SPTAN1: variants seen among roughly 807,000 people sequenced by gnomAD.
SPTAN1 encodes spectrin alpha chain, non-erythrocytic 1.
Under a neutral mutation model 331.3 loss-of-function variants are expected in SPTAN1, and 61 were observed. The observed-to-expected ratio is 0.18, with a 90% CI of 0.15 to 0.23. The LOEUF (loss-of-function observed/expected upper bound fraction) is 0.23. Ranked by LOEUF, SPTAN1 falls within the 10% of genes least tolerant of loss-of-function variation. SPTAN1 has a pLI of 1.00. For synonymous variants in SPTAN1, 1,153 were observed against 1,173.9 expected (o/e 0.98, Z 0.36); for missense variants, 2,043 against 3,147.9 (o/e 0.65, Z 8.40).
In SPTAN1 at chr9:128,597,646, GTTTTGT is replaced by G. The variant is rs1452725089; in HGVS notation, c.3415-744_3415-739del. ...CCTTATAGCTTTTTTTGTTTGTTTT[GTTTTGT>G]TTTTGTTTTGTTTTGAGACAGAGTC... is the stretch of plus-strand genomic sequence containing the variant. On this transcript the variant is annotated intron_variant, in intron 24 of 56. Coordinates refer to ENST00000372739, the MANE Select transcript of SPTAN1 (RefSeq NM_001130438.3). Among the ~76,000 whole-genome samples, 5 of 152,078 alleles carry G rather than the reference GTTTTGT, an allele frequency of 3.3e-5. No homozygotes were observed. In the South Asian group the frequency reaches 6.2e-4, roughly 19 times the overall value.
chr9:128,611,583 T>C (rs1485981042), intron 37 of SPTAN1, 131 bp from the exon 38 acceptor site: 1 of 1,019,292 alleles, frequency 9.8e-7, no homozygotes, highest in Non-Finnish European at 1.5e-6. Flanking sequence ...AATTGCCTTC[T>C]GTTAAAAACG....
Position 128,625,703 on chromosome 9 carries a change from A to C in SPTAN1, c.6070-66A>C. 1 of 1,506,696 alleles carries C rather than the reference A, an allele frequency of 6.6e-7. No homozygotes were observed. Among genetic ancestry groups the C allele is most frequent in the South Asian group, 1.1e-5 (1 of 88,552 alleles). The allele number at this position is 1,506,696 out of a possible 1,614,324, so 93.3% of individuals were successfully genotyped here. ...CTGGGGGACATGCTGGTGCCATCTGAGCCTAGGAAGAGCAAGTTCCAGTCC... is the reference window on the plus strand; with the variant it reads ...CTGGGGGACATGCTGGTGCCATCTGCGCCTAGGAAGAGCAAGTTCCAGTCC... On this transcript the variant is annotated intron_variant, in intron 47 of 56. Coordinates refer to ENST00000372739, the MANE Select transcript of SPTAN1 (RefSeq NM_001130438.3). The surrounding 1 kb of genome is among the most constrained non-coding windows in gnomAD (Gnocchi z 4.1).
Position 128,625,969 on chromosome 9 carries a change from C to T in SPTAN1, c.6270C>T (p.His2090=), listed in dbSNP as rs370102482. 3.0e-5 allele frequency: 49 copies of T among 1,613,992 alleles called. No individual in the cohort carries two copies. The highest frequency in any genetic ancestry group is 3.6e-5 in the Non-Finnish European group (43 of 1,179,986). Residue 2090 remains histidine (H), a synonymous_variant, in exon 48 of 57, where the codon CAC becomes CAT. Coordinates refer to ENST00000372739, the MANE Select transcript of SPTAN1 (RefSeq NM_001130438.3). The surrounding 1 kb of genome is among the most constrained non-coding windows in gnomAD (Gnocchi z 4.1). ...RKKKLLEAQS[H]FRKVEDLFLT... ...AGAAGCTTCTGGAGGCTCAGAGTCA[C>T]TTCCGCAAGGTGAGGATGGGGCCAC...
chr9:128,612,957 G>T (rs181093445), intron 39 of SPTAN1, among the ~76,000 whole-genome samples: 1 of 151,690 alleles, frequency 6.6e-6, no homozygotes, highest in African/African-American at 2.4e-5. Context: ...TAATAATTGC[G>T]TAAGTTTATC....
At chr9:128,600,972 G>GTTTTTTTTTTTTTT (rs1474161366) in intron 27 of SPTAN1, among the ~76,000 whole-genome samples, 1 of 22,222 alleles carries the variant, frequency 4.5e-5, no homozygotes, top group South Asian at 2.8e-3. Context: ...CAGGGAGAAA[G>GTTTTTTTTTTTTTT]TCTTTTTTTT....
intron 52 of SPTAN1, chr9:128,631,768 C>T (rs140671384): frequency 1.4e-4 from 39 of 272,930 alleles, no homozygotes; most frequent in Admixed American, 7.6e-4. Flanking sequence ...TTGCAGTGAG[C>T]GTGATTGCGC....
chr9:128,553,358 A>AAT (rs1334013661), intron 1 of SPTAN1: 4 of 150,710 alleles, frequency 2.7e-5, no homozygotes, highest in African/African-American at 9.8e-5. Flanking sequence ...GCTTGTAAAT[A>AAT]ATAGGTAAAT....
At chr9:128,597,775 C>T (rs536837745) in intron 24 of SPTAN1, among the ~76,000 whole-genome samples, 5 of 152,238 alleles carry the variant, frequency 3.3e-5, no homozygotes, top group African/African-American at 7.2e-5. Flanking sequence ...CTCAACCTCC[C>T]GAACAGCTGG....
At chr9:128,589,577 T>C (rs1316949609) in intron 21 of SPTAN1, among the ~76,000 whole-genome samples, 1 of 494 alleles carries the variant, frequency 2.0e-3, no homozygotes, top group African/African-American at 2.3e-3. Flanking sequence ...TGCCCGGCCT[T>C]TTTTTTTTTT....
intron 27 of SPTAN1, 57 bp downstream of exon 27, chr9:128,600,172 G>A: frequency 6.4e-7 from 1 of 1,565,390 alleles, no homozygotes; most frequent in Non-Finnish European, 8.8e-7. Context: ...CATGAAATAT[G>A]TCCTTTTCTG....
intron 18 of SPTAN1, among the ~76,000 whole-genome samples, chr9:128,585,408 G>A (rs7846845): frequency 0.97 from 147,230 of 152,182 alleles, 71,394 homozygotes; most frequent in Non-Finnish European, 1. Context: ...GTGAAACCAA[G>A]TAGGAAAAGA....
intron 31 of SPTAN1, among the ~76,000 whole-genome samples, 164 bp downstream of exon 31, chr9:128,605,641 G>A (rs1465708806): frequency 2.6e-5 from 4 of 152,036 alleles, no homozygotes; most frequent in South Asian, 2.1e-4. Context: ...CTCAGGAGCC[G>A]GAGACCAGCC....
In SPTAN1 at chr9:128,608,046, G is replaced by A. The variant is rs955408046; in HGVS notation, c.4341G>A (p.Leu1447=). 2 of 1,614,044 alleles carry A rather than the reference G, an allele frequency of 1.2e-6. No individual in the cohort carries two copies. The highest frequency in any genetic ancestry group is 2.7e-5 in the African/African-American group (2 of 74,920). The change falls in exon 33 of 57, where the codon CTG becomes CTA. Residue 1447 remains leucine, a synonymous_variant. Transcript: ENST00000372739. ...RRMMLDQCLE[L]QLFHRDCEQA... ...TGATGCTGGATCAGTGCCTTGAACT[G>A]CAGGTGTGTGTGCTCCTGGTTTCTG...
chr9:128,579,818 A>T, intron 10 of SPTAN1, 80 bp downstream of exon 10: 3 of 1,163,596 alleles, frequency 2.6e-6, no homozygotes, highest in Non-Finnish European at 3.8e-6. Context: ...TCATCCTTAA[A>T]TATCCAGAGA....
At position 128,579,739 on chromosome 9, in the gene SPTAN1, G is replaced by A; in HGVS notation, c.1323+1G>A. ...TGCCTCAGATGAAGTGAGGGAGAAGGTAAGAGAAGAGAAATGGAGCTTTTG... is the reference window on the plus strand; with the variant it reads ...TGCCTCAGATGAAGTGAGGGAGAAGATAAGAGAAGAGAAATGGAGCTTTTG... On this transcript the variant is annotated splice_donor_variant, in intron 10 of 56. Coordinates refer to ENST00000372739, the MANE Select transcript of SPTAN1 (RefSeq NM_001130438.3). LOFTEE classifies it high-confidence loss of function. 6.2e-7 allele frequency: 1 copy of A among 1,613,356 alleles called. No homozygotes were observed. Among genetic ancestry groups the A allele is most frequent in the Non-Finnish European group, 8.5e-7 (1 of 1,179,398 alleles).
intron 27 of SPTAN1, among the ~76,000 whole-genome samples, chr9:128,602,190 T>TG (rs1448280083): frequency 2.8e-5 from 4 of 141,774 alleles, no homozygotes; most frequent in African/African-American, 1.1e-4. Context: ...TGCCCTCCTG[T>TG]TTTTTTTTTT....
At chr9:128,591,439 A>G (rs1853507404) in intron 21 of SPTAN1, 38 bp from the exon 22 acceptor site, 1 of 1,613,648 alleles carries the variant, frequency 6.2e-7, no homozygotes, top group African/African-American at 1.3e-5. Context: ...CCTCTCAGAG[A>G]AGGAATTTAC....
At chr9:128,582,595 C>G (rs1326303961) in intron 13 of SPTAN1, 39 bp downstream of exon 13, 2 of 1,611,686 alleles carry the variant, frequency 1.2e-6, no homozygotes, top group Non-Finnish European at 1.7e-6. Context: ...CTTTTTGGTA[C>G]ATGAATGTCT....
At position 128,633,410 on chromosome 9, in the gene SPTAN1, TCA is replaced by T; in HGVS notation, c.*78_*79del. 1.2e-6 allele frequency: 2 copies of T among 1,606,056 alleles called. No individual in the cohort carries two copies. The highest frequency in any genetic ancestry group is 1.3e-5 in the African/African-American group (1 of 74,976). ...TGCATGTCCGCTCCTCTGTGTGCTC[TCA>T]CTTTCCACTGTAACCTTAAGCCTGC... On this transcript the variant is annotated 3_prime_UTR_variant, in exon 57 of 57. Transcript: ENST00000372739.
Sources: allele counts gnomAD v4.1 joint callset (sites outside exome capture counted in the v4.1 genomes callset), GRCh38; gene constraint gnomAD v4.1.1; non-coding constraint Gnocchi (gnomAD v3.1); transcripts MANE v1.5; gene names NCBI Gene and HGNC (gene_info 2026-07-23, HGNC 2026-07-21).